Variants in BOC observed in about 807,000 individuals in gnomAD.
BOC encodes BOC cell adhesion associated, oncogene regulated, also known as brother of CDO.
BOC carries 76 observed loss-of-function variants against 112.0 expected under a neutral mutation model. The ratio of observed to expected loss-of-function variants is 0.68; its 90% CI spans 0.56 to 0.82. BOC has a LOEUF of 0.82. Ranked by LOEUF, BOC falls within the 40% of genes least tolerant of loss-of-function variation. The pLI is 0.00. For missense variants in BOC, 1,309 were observed against 1,511.7 expected (o/e 0.87, Z 2.22); for synonymous variants, 580 against 599.8 (o/e 0.97, Z 0.48).
chr3:113,274,803 C>A lies in BOC; in HGVS notation c.1542+121C>A. 1 of 1,024,540 alleles carries A rather than the reference C, an allele frequency of 9.8e-7. No individual in the cohort carries two copies. Among genetic ancestry groups the A allele is most frequent in the Non-Finnish European group, 1.4e-6 (1 of 720,326 alleles). The allele number at this position is 1,024,540 out of a possible 1,614,324, so 63.5% of individuals were successfully genotyped here. Reference sequence around the variant, plus strand: ...CTGAAGCCTGAGCCGGTAATCCCCACCACTAAACAGGCCCTTCTGTCTCCT... The same window carrying A: ...CTGAAGCCTGAGCCGGTAATCCCCAACACTAAACAGGCCCTTCTGTCTCCT... On this transcript the variant is annotated intron_variant, in intron 9 of 19. Transcript: ENST00000682979. The surrounding 1 kb of genome is among the most constrained non-coding windows in gnomAD (Gnocchi z 4.8).
intron 4 of BOC, among the ~76,000 whole-genome samples, chr3:113,264,314 A>G (rs1300467974): frequency 6.6e-6 from 1 of 152,210 alleles, no homozygotes; most frequent in Admixed American, 6.5e-5. Flanking sequence ...GAGGGAAGGT[A>G]AGAGGATTAA....
chr3:113,286,032 T>C (rs763817728), intron 19 of BOC, among the ~76,000 whole-genome samples: 12 of 152,172 alleles, frequency 7.9e-5, no homozygotes, highest in Non-Finnish European at 1.5e-4. Context: ...CATAACTCTT[T>C]GTACTTCCAC....
At chr3:113,273,492 G>C in intron 8 of BOC, 151 bp downstream of exon 8, 1 of 900,778 alleles carries the variant, frequency 1.1e-6, no homozygotes, top group Non-Finnish European at 1.6e-6. Flanking sequence ...TAAATCTGAA[G>C]TACAGATTTT....
chr3:113,242,339 C>A (rs2650094), intron 2 of BOC, among the ~76,000 whole-genome samples: 3,766 of 152,078 alleles, frequency 0.025, 158 homozygotes, highest in African/African-American at 0.087. Flanking sequence ...TTTTTGAAAT[C>A]TCTTAAAAGA....
Position 113,284,855 on chromosome 3 carries a change from C to A in BOC, c.2963C>A (p.Thr988Lys). The stretch of plus-strand genomic sequence containing the variant: ...TATGACCCCCAAAGTCACCAGATCA[C>A]GAGGTAACCAGGCCTCTCCCCTTTC... Reference protein sequence around the residue: ...NGYDPQSHQITRGPKSSPDEG... With the variant: ...NGYDPQSHQIKRGPKSSPDEG... The change falls in exon 18 of 20, where the codon ACG becomes AAG. Residue 988 changes from threonine to lysine, a missense_variant. Physicochemically the swap from Thr to Lys is moderately conservative, Grantham distance 78. Transcript: ENST00000682979. 1 of 1,614,058 alleles carries A rather than the reference C, an allele frequency of 6.2e-7. No homozygotes were observed. The highest frequency in any genetic ancestry group is 1.1e-5 in the South Asian group (1 of 91,090).
At chr3:113,285,698 G>A in intron 19 of BOC, 133 bp downstream of exon 19, 1 of 939,308 alleles carries the variant, frequency 1.1e-6, no homozygotes. Context: ...ATGTGGGAGG[G>A]ATGGGGCATC....
chr3:113,280,246 T>C (rs908915234), intron 13 of BOC, among the ~76,000 whole-genome samples: 4 of 152,100 alleles, frequency 2.6e-5, no homozygotes, highest in Non-Finnish European at 4.4e-5. Flanking sequence ...CCAACACAAC[T>C]GTTCAGGGCC....
At chr3:113,245,017 A>G (rs1944736638) in intron 2 of BOC, among the ~76,000 whole-genome samples, 1 of 152,172 alleles carries the variant, frequency 6.6e-6, no homozygotes, top group Non-Finnish European at 1.5e-5. Flanking sequence ...GAGACCTTCT[A>G]CAAATCACTT....
chr3:113,286,899 T>G lies in BOC; in HGVS notation c.*37T>G, dbSNP rs757466055. 2.0e-6 allele frequency: 3 copies of G among 1,490,154 alleles called. No individual in the cohort carries two copies. Among genetic ancestry groups the G allele is most frequent in the South Asian group, 2.7e-5 (2 of 74,788 alleles). 92.3% of individuals were successfully genotyped at this position (1,490,154 alleles called of 1,614,324 possible). ...TATCCCAGAAAGACTATATATTGTTTTTTTTTTAAAAAAAAAAAGAAGAAA... is the reference window on the plus strand; with the variant it reads ...TATCCCAGAAAGACTATATATTGTTGTTTTTTTAAAAAAAAAAAGAAGAAA... On this transcript the variant is annotated 3_prime_UTR_variant, in exon 20 of 20. Transcript: ENST00000682979.
Position 113,278,321 on chromosome 3 carries a change from A to G in BOC, c.1705+64A>G, listed in dbSNP as rs1948856221. 4 of 1,549,098 alleles carry G rather than the reference A, an allele frequency of 2.6e-6. No individual in the cohort carries two copies. The highest frequency in any genetic ancestry group is 3.5e-5 in the Admixed American group (2 of 57,532). On this transcript the variant is annotated intron_variant, in intron 10 of 19. Coordinates refer to ENST00000682979, the MANE Select transcript of BOC (RefSeq NM_001378074.1). The surrounding 1 kb of genome is among the most constrained non-coding windows in gnomAD (Gnocchi z 4.2). ...GGGTCTAAGCAAGTTCCACTGGCCC[A>G]GGTGAGAATTCCTGCTCACCTTGCC... is the stretch of plus-strand genomic sequence containing the variant.
chr3:113,225,029 A>G (rs570936571), intron 2 of BOC, among the ~76,000 whole-genome samples: 1 of 152,286 alleles, frequency 6.6e-6, no homozygotes, highest in African/African-American at 2.4e-5. Flanking sequence ...GTGAGCTGAG[A>G]TCACACCACT....
Position 113,278,145 on chromosome 3 carries a change from C to T in BOC, c.1593C>T (p.Asn531=), listed in dbSNP as rs1303826926. ...DDWTISGIPA[N]QHRLTLTRLD... is the part of the protein sequence containing the mutation. Reference sequence around the variant, plus strand: ...GGACCATCTCTGGCATTCCAGCCAACCAGCACCGCCTGACCCTCACCAGAC... The same window carrying T: ...GGACCATCTCTGGCATTCCAGCCAATCAGCACCGCCTGACCCTCACCAGAC... Residue 531 remains asparagine (N), a synonymous_variant, in exon 10 of 20, where the codon AAC becomes AAT. Transcript: ENST00000682979. This position sits in a 1 kb window ranked among gnomAD's most constrained non-coding sequence, Gnocchi z 4.2. 6.2e-7 allele frequency: 1 copy of T among 1,614,108 alleles called. No homozygotes were observed. Among genetic ancestry groups the T allele is most frequent in the African/African-American group, 1.3e-5 (1 of 74,936 alleles).
rs897114536 is a variant in BOC at position 113,278,429 on chromosome 3, C to T, written c.1705+172C>T. ...TGTGCTAGGCTGAGGTCCCAGCTCT[C>T]ATCAGGAGAGTAGCCAGCCGGCCTC... On this transcript the variant is annotated intron_variant, in intron 10 of 19. Transcript: ENST00000682979. This position sits in a 1 kb window ranked among gnomAD's most constrained non-coding sequence, Gnocchi z 4.2. Among the ~76,000 whole-genome samples the T allele has an allele frequency of 1.3e-5, 2 of 152,138 alleles. No individual in the cohort carries two copies. Among genetic ancestry groups the T allele is most frequent in the African/African-American group, 4.8e-5 (2 of 41,432 alleles).
intron 4 of BOC, among the ~76,000 whole-genome samples, chr3:113,267,094 G>T (rs957636364): frequency 7.2e-5 from 11 of 152,210 alleles, no homozygotes; most frequent in African/African-American, 2.7e-4. Context: ...AGAATTTGGT[G>T]TGGCCAGTAT....
chr3:113,260,211 T>A (rs919405934), intron 4 of BOC, among the ~76,000 whole-genome samples: 1 of 152,122 alleles, frequency 6.6e-6, no homozygotes. Context: ...AGATAAAACA[T>A]GTTTGAGGTC....
chr3:113,280,149 G>T (rs1949057908), intron 13 of BOC, 144 bp downstream of exon 13: 8 of 867,914 alleles, frequency 9.2e-6, no homozygotes, highest in Non-Finnish European at 1.4e-5. Flanking sequence ...GGCTGGAGCT[G>T]CTCTAGTGGT....
intron 2 of BOC, among the ~76,000 whole-genome samples, chr3:113,246,109 T>G (rs1230742662): frequency 1.3e-5 from 2 of 152,244 alleles, no homozygotes; most frequent in Non-Finnish European, 2.9e-5. Flanking sequence ...GTTGTTGTTT[T>G]TGGAAAGTTT....
rs151001791 is a variant in BOC, at chr3:113,267,238, T to A, written c.377-1061T>A. Among the ~76,000 whole-genome samples, 4 of 152,362 alleles carry A rather than the reference T, an allele frequency of 2.6e-5. No individual in the cohort carries two copies. The East Asian group carries it at 7.7e-4, about 29-fold the overall frequency. ...TCAGCTATAATCCTGAAAACCAGAT[T>A]TCCAGCTTGGAATGCATGCAGTTTT... On this transcript the variant is annotated intron_variant, in intron 4 of 19. Coordinates refer to ENST00000682979, the MANE Select transcript of BOC (RefSeq NM_001378074.1).
At chr3:113,262,354 C>T (rs1180546102) in intron 4 of BOC, among the ~76,000 whole-genome samples, 5 of 152,206 alleles carry the variant, frequency 3.3e-5, no homozygotes, top group Admixed American at 1.3e-4. Context: ...TGATTGAAAG[C>T]TCCCTGTGGT....
Sources: allele counts gnomAD v4.1 joint callset (sites outside exome capture counted in the v4.1 genomes callset), GRCh38; gene constraint gnomAD v4.1.1; non-coding constraint Gnocchi (gnomAD v3.1); transcripts MANE v1.5; gene names NCBI Gene and HGNC (gene_info 2026-07-23, HGNC 2026-07-21).